The following SLC5A1 variants were observed in gnomAD, a reference collection of about 807,000 sequenced individuals.
The protein encoded by SLC5A1 is sodium/glucose cotransporter 1.
A neutral mutation model predicts 73.5 loss-of-function variants in SLC5A1; 42 were observed. The observed-to-expected ratio is 0.57, with a 90% CI of 0.45 to 0.74. The LOEUF is 0.74. Ranked by LOEUF, SLC5A1 falls within the 30% of genes least tolerant of loss-of-function variation. The probability of loss-of-function intolerance (pLI) is 0.00; values close to 1 mark genes in which losing one functional copy is unlikely to be tolerated. For synonymous variants in SLC5A1, 300 were observed against 317.4 expected, an observed-to-expected ratio of 0.95 and a Z score of 0.58; for missense variants, 634 against 855.4, an observed-to-expected ratio of 0.74 and a Z score of 3.23.
rs556410844 is a variant in SLC5A1, at chr22:32,055,121, G to A, written c.207+5107G>A. On this transcript the variant is annotated intron_variant, in intron 2 of 14. Transcript: ENST00000266088. ...CAGTGGAAGACCTCACCTGCCTTTT[G>A]TGCCAAAAACTGGTGGGAAAATGTC... is the stretch of plus-strand genomic sequence containing the variant. 1.7e-4 allele frequency among the ~76,000 whole-genome samples: 26 copies of A among 152,278 alleles called. No individual in the cohort carries two copies. The South Asian group carries it at 5.2e-3, about 30-fold the overall frequency.
intron 5 of SLC5A1, among the ~76,000 whole-genome samples, chr22:32,080,251 G>C (rs1369055504): frequency 6.6e-6 from 1 of 152,144 alleles, no homozygotes; most frequent in African/African-American, 2.4e-5. Context: ...CCCTGGGTGA[G>C]AGAATCTTCA....
Position 32,056,437 on chromosome 22 carries a change from CTTTT to C in SLC5A1, c.207+6439_207+6442del, listed in dbSNP as rs35843263. 2.5e-5 allele frequency among the ~76,000 whole-genome samples: 3 copies of C among 121,616 alleles called. No homozygotes were observed. The East Asian group carries it at 7.3e-4, about 30-fold the overall frequency. The allele number at this position is 121,616 out of a possible 152,430, so 79.8% of individuals were successfully genotyped here. ...AGGCAAACAATACATACCTTCCTGT[CTTTT>C]TTTTTTTTTTTTTTTAGCATAAGTA... On this transcript the variant is annotated intron_variant, in intron 2 of 14. Transcript: ENST00000266088.
At chr22:32,091,528 C>A (rs944402722) in intron 10 of SLC5A1, 84 bp from the exon 11 acceptor site, 3 of 1,516,954 alleles carry the variant, frequency 2.0e-6, no homozygotes. Context: ...AGAAGGCAAA[C>A]AAATCTTGAG....
intron 5 of SLC5A1, among the ~76,000 whole-genome samples, chr22:32,075,089 T>C (rs2149490001): frequency 6.7e-6 from 1 of 149,292 alleles, no homozygotes; most frequent in East Asian, 1.9e-4. Flanking sequence ...TTTTTTTTTT[T>C]TTTTTAGAGA....
At chr22:32,055,144 G>C (rs1385554511) in intron 2 of SLC5A1, among the ~76,000 whole-genome samples, 2 of 152,210 alleles carry the variant, frequency 1.3e-5, no homozygotes, top group Non-Finnish European at 2.9e-5. Flanking sequence ...GTGGGAAAAT[G>C]TCAGTGGTTT....
At chr22:32,056,916 T>G (rs2093952749) in intron 2 of SLC5A1, among the ~76,000 whole-genome samples, 1 of 152,266 alleles carries the variant, frequency 6.6e-6, no homozygotes, top group African/African-American at 2.4e-5. Flanking sequence ...TCAATACTTC[T>G]TCAGAATAGC....
At chr22:32,062,623 C>T (rs2093965044) in intron 2 of SLC5A1, among the ~76,000 whole-genome samples, 1 of 152,138 alleles carries the variant, frequency 6.6e-6, no homozygotes, top group South Asian at 2.1e-4. Context: ...CCTGAATTCA[C>T]AGGAACATGG....
At chr22:32,074,379 G>A (rs190745437) in intron 5 of SLC5A1, among the ~76,000 whole-genome samples, 4 of 152,320 alleles carry the variant, frequency 2.6e-5, no homozygotes, top group African/African-American at 7.2e-5. Flanking sequence ...GATCTGGATG[G>A]AGCCCATCCC....
At chr22:32,061,579 A>G (rs1484801315) in intron 2 of SLC5A1, among the ~76,000 whole-genome samples, 1 of 152,210 alleles carries the variant, frequency 6.6e-6, no homozygotes, top group African/African-American at 2.4e-5. Flanking sequence ...TGTCTTGTTA[A>G]GGCAAACCAA....
At chr22:32,080,309 C>T (rs1249279462) in intron 5 of SLC5A1, among the ~76,000 whole-genome samples, 2 of 152,156 alleles carry the variant, frequency 1.3e-5, no homozygotes, top group Non-Finnish European at 2.9e-5. Context: ...CCTCAAAAGG[C>T]CCACCTTCGG....
At position 32,084,977 on chromosome 22, in the gene SLC5A1, G is replaced by T. The variant is rs202070786; in HGVS notation, c.963G>T (p.Lys321Asn). 2 of 1,614,026 alleles carry T rather than the reference G, an allele frequency of 1.2e-6. No individual in the cohort carries two copies. Among genetic ancestry groups the T allele is most frequent in the Non-Finnish European group, 1.7e-6 (2 of 1,179,862 alleles). Residue 321 changes from lysine (K) to asparagine (N), a missense_variant, in exon 9 of 15, where the codon AAG becomes AAT. Physicochemically the swap from Lys to Asn is moderately conservative, Grantham distance 94. Coordinates refer to ENST00000266088, the MANE Select transcript of SLC5A1 (RefSeq NM_000343.4). ...KGGCILCGYL[K>N]LMPMFIMVMP... Reference sequence around the variant, plus strand: ...GCTGCATCCTGTGTGGGTATCTAAAGCTGATGCCCATGTTCATCATGGTGA... The same window carrying T: ...GCTGCATCCTGTGTGGGTATCTAAATCTGATGCCCATGTTCATCATGGTGA...
chr22:32,083,056 G>A lies in SLC5A1; in HGVS notation c.584-18G>A. ...CCCTCCACACGAGGTCAGATGTGTT[G>A]TCTTCTTGCCTGCTTAGGGGGCCTG... On this transcript the variant is annotated intron_variant, in intron 6 of 14. Transcript: ENST00000266088. The A allele has an allele frequency of 6.2e-7, 1 of 1,613,306 alleles. No individual in the cohort carries two copies. Among genetic ancestry groups the A allele is most frequent in the Non-Finnish European group, 8.5e-7 (1 of 1,179,240 alleles).
chr22:32,058,032 T>C (rs1333384917), intron 2 of SLC5A1, among the ~76,000 whole-genome samples: 2 of 152,224 alleles, frequency 1.3e-5, no homozygotes, highest in Non-Finnish European at 2.9e-5. Context: ...AAAAGTATTT[T>C]AAAAATGCAC....
At chr22:32,074,386 TC>T (rs777781170) in intron 5 of SLC5A1, among the ~76,000 whole-genome samples, 6 of 152,184 alleles carry the variant, frequency 3.9e-5, no homozygotes, top group Non-Finnish European at 8.8e-5. Context: ...ATGGAGCCCA[TC>T]CCCGAGGAGC....
intron 14 of SLC5A1, among the ~76,000 whole-genome samples, chr22:32,107,072 T>G (rs1268577157): frequency 6.6e-6 from 1 of 152,132 alleles, no homozygotes; most frequent in African/African-American, 2.4e-5. Context: ...GATCTTCGAG[T>G]ACCTTTCAAT....
intron 1 of SLC5A1, among the ~76,000 whole-genome samples, chr22:32,049,097 T>TAA (rs1359741689): frequency 2.9e-5 from 4 of 137,580 alleles, no homozygotes; most frequent in Non-Finnish European, 4.5e-5. Flanking sequence ...AATAAATATA[T>TAA]ATATATATAT....
rs144172095 is a variant in SLC5A1 at position 32,103,132 on chromosome 22, T to C, written c.1665+895T>C. 2.6e-4 allele frequency among the ~76,000 whole-genome samples: 40 copies of C among 152,368 alleles called. No homozygotes were observed. In the East Asian group the frequency reaches 7.3e-3, roughly 28 times the overall value. On this transcript the variant is annotated intron_variant, in intron 13 of 14. Transcript: ENST00000266088. ...CATATGGTGGCTCTATTTTTAGTTCTTTGAGGAACTTCCATAGTGTTCTTC... is the reference window on the plus strand; with the variant it reads ...CATATGGTGGCTCTATTTTTAGTTCCTTGAGGAACTTCCATAGTGTTCTTC...
chr22:32,110,051 G>C lies in SLC5A1; in HGVS notation c.1833G>C (p.Gly611=). 6.2e-7 allele frequency: 1 copy of C among 1,614,106 alleles called. No individual in the cohort carries two copies. Among genetic ancestry groups the C allele is most frequent in the Non-Finnish European group, 8.5e-7 (1 of 1,179,998 alleles). ...IFRRAYDLFC[G]LEQHGAPKMT... is the part of the protein sequence containing the mutation. Reference sequence around the variant, plus strand: ...GGAGAGCCTATGACCTATTTTGTGGGCTAGAGCAGCACGGTGCACCCAAGA... The same window carrying C: ...GGAGAGCCTATGACCTATTTTGTGGCCTAGAGCAGCACGGTGCACCCAAGA... The change falls in exon 15 of 15, where the codon GGG becomes GGC. Residue 611 remains glycine, a synonymous_variant. Coordinates refer to ENST00000266088, the MANE Select transcript of SLC5A1 (RefSeq NM_000343.4).
chr22:32,046,755 A>G (rs79592323), intron 1 of SLC5A1, among the ~76,000 whole-genome samples: 6,830 of 152,318 alleles, frequency 0.045, 208 homozygotes, highest in Non-Finnish European at 0.07. Flanking sequence ...TTTGTATTCC[A>G]TGGAGATAGA....
Sources: gnomAD v4.1 joint callset for allele counts (sites outside exome capture counted in the v4.1 genomes callset) on GRCh38, gnomAD v4.1.1 for gene constraint, MANE v1.5 for transcripts, NCBI Gene and HGNC (gene_info 2026-07-23, HGNC 2026-07-21) for gene names.